Variants in RCAN2 observed in about 807,000 individuals in gnomAD.
RCAN2 encodes regulator of calcineurin 2, also known as calcipressin-2.
Under a neutral mutation model 23.6 loss-of-function variants are expected in RCAN2, and 9 were observed. That is an observed-to-expected ratio of 0.38 (90% CI 0.23 to 0.67). RCAN2 has a LOEUF of 0.67. Among genes scored for constraint, RCAN2 ranks in the 30% least tolerant of loss-of-function variants. RCAN2 has a pLI of 0.51. For missense variants in RCAN2, 273 were observed against 302.3 expected (o/e 0.90, Z 0.72); for synonymous variants, 109 against 115.7 (o/e 0.94, Z 0.37).
intron 2 of RCAN2, among the ~76,000 whole-genome samples, chr6:46,263,164 G>A (rs145672335): frequency 6.6e-6 from 1 of 152,306 alleles, no homozygotes; most frequent in African/African-American, 2.4e-5. Flanking sequence ...ACCAGACAAT[G>A]TTGAGAGAAC....
chr6:46,346,874 T>A (rs1333577027), intron 2 of RCAN2, among the ~76,000 whole-genome samples: 1 of 151,658 alleles, frequency 6.6e-6, no homozygotes, highest in Non-Finnish European at 1.5e-5. Flanking sequence ...TTTATTTTAA[T>A]TAATTTATTT....
chr6:46,438,009 C>T (rs995942475), intron 2 of RCAN2, among the ~76,000 whole-genome samples: 12 of 152,086 alleles, frequency 7.9e-5, no homozygotes, highest in African/African-American at 2.9e-4. Context: ...TGTTTCTTTC[C>T]CACCTCACCT....
At chr6:46,232,129 T>A (rs146397826) in intron 4 of RCAN2, among the ~76,000 whole-genome samples, 8 of 152,226 alleles carry the variant, frequency 5.3e-5, no homozygotes, top group Admixed American at 1.3e-4. Flanking sequence ...AGGAAGGAGA[T>A]GACTGCCTGA....
At chr6:46,429,471 C>G (rs1767125894) in intron 2 of RCAN2, among the ~76,000 whole-genome samples, 1 of 152,178 alleles carries the variant, frequency 6.6e-6, no homozygotes, top group African/African-American at 2.4e-5. Flanking sequence ...CTGCAGAGTA[C>G]TCTTCAGTTT....
At chr6:46,408,767 C>T (rs893403414) in intron 2 of RCAN2, among the ~76,000 whole-genome samples, 1 of 152,054 alleles carries the variant, frequency 6.6e-6, no homozygotes, top group South Asian at 2.1e-4. Context: ...GGCAAGGAAA[C>T]AAAAATTTCT....
At chr6:46,398,208 T>C (rs1766148057) in intron 2 of RCAN2, among the ~76,000 whole-genome samples, 1 of 152,234 alleles carries the variant, frequency 6.6e-6, no homozygotes, top group South Asian at 2.1e-4. Context: ...ATGTTAATGG[T>C]GATTTTTCTC....
chr6:46,311,017 G>C (rs1359844339), intron 2 of RCAN2, among the ~76,000 whole-genome samples: 1 of 152,136 alleles, frequency 6.6e-6, no homozygotes, highest in Non-Finnish European at 1.5e-5. Context: ...ACCATCTATT[G>C]AGTACCTACA....
At chr6:46,371,285 T>A (rs1229977134) in intron 2 of RCAN2, among the ~76,000 whole-genome samples, 1 of 149,124 alleles carries the variant, frequency 6.7e-6, no homozygotes, top group Non-Finnish European at 1.5e-5. Flanking sequence ...AAATGGTATA[T>A]TTTTTTAATC....
chr6:46,371,133 G>T (rs1209258938), intron 2 of RCAN2, among the ~76,000 whole-genome samples: 1 of 152,108 alleles, frequency 6.6e-6, no homozygotes, highest in African/African-American at 2.4e-5. Flanking sequence ...TGACTTAAAG[G>T]CTAGGGATTA....
chr6:46,281,809 C>T (rs1561841263), intron 2 of RCAN2, among the ~76,000 whole-genome samples: 2 of 151,820 alleles, frequency 1.3e-5, no homozygotes, highest in Admixed American at 1.3e-4. Context: ...TATTAACAGA[C>T]CTAAGGAAAT....
chr6:46,332,790 G>A (rs1357422511), intron 2 of RCAN2, among the ~76,000 whole-genome samples: 1 of 152,118 alleles, frequency 6.6e-6, no homozygotes, highest in Non-Finnish European at 1.5e-5. Flanking sequence ...TGTCTTTATA[G>A]CAGCATGATT....
chr6:46,319,914 A>G (rs966479362), intron 2 of RCAN2, among the ~76,000 whole-genome samples: 2 of 152,186 alleles, frequency 1.3e-5, no homozygotes, highest in African/African-American at 4.8e-5. Context: ...TTTGTTCTTC[A>G]TAAACCAAAG....
At chr6:46,253,425 A>G (rs1766799108) in intron 2 of RCAN2, among the ~76,000 whole-genome samples, 1 of 152,208 alleles carries the variant, frequency 6.6e-6, no homozygotes, top group African/African-American at 2.4e-5. Flanking sequence ...TCAAGTAAAA[A>G]TGGTGTTCCA....
At chr6:46,484,928 T>G (rs1406232601) in intron 1 of RCAN2, among the ~76,000 whole-genome samples, 3 of 151,988 alleles carry the variant, frequency 2.0e-5, no homozygotes, top group East Asian at 3.9e-4. Flanking sequence ...CCAAAAAGAG[T>G]GCTTACAAGA....
intron 1 of RCAN2, among the ~76,000 whole-genome samples, chr6:46,470,724 A>T (rs1768534710): frequency 6.6e-6 from 1 of 152,210 alleles, no homozygotes; most frequent in African/African-American, 2.4e-5. Flanking sequence ...TTCACTTACA[A>T]TGTACAATTA....
At chr6:46,479,583 C>CTTTTTTT (rs57590590) in intron 1 of RCAN2, among the ~76,000 whole-genome samples, 1 of 89,246 alleles carries the variant, frequency 1.1e-5, no homozygotes, top group Non-Finnish European at 2.1e-5. Context: ...TCTGTCTCAC[C>CTTTTTTT]TTTTTTTTTT....
chr6:46,300,683 T>A (rs1437458650), intron 2 of RCAN2, among the ~76,000 whole-genome samples: 3 of 152,020 alleles, frequency 2.0e-5, no homozygotes, highest in African/African-American at 7.2e-5. Context: ...GAAAATAGAA[T>A]AATAAGTGAG....
chr6:46,264,786 G>T (rs564914448), intron 2 of RCAN2, among the ~76,000 whole-genome samples: 1 of 152,298 alleles, frequency 6.6e-6, no homozygotes, highest in East Asian at 1.9e-4. Flanking sequence ...TTGCACAGTG[G>T]TTACATTTTC....
chr6:46,337,424 C>T (rs1260938741), intron 2 of RCAN2, among the ~76,000 whole-genome samples: 1 of 152,152 alleles, frequency 6.6e-6, no homozygotes, highest in Non-Finnish European at 1.5e-5. Flanking sequence ...TTCAAAAATG[C>T]CTAGACTTTA....
Sources: gnomAD v4.1 joint callset for allele counts (sites outside exome capture counted in the v4.1 genomes callset) on GRCh38, gnomAD v4.1.1 for gene constraint, MANE v1.5 for transcripts, NCBI Gene and HGNC (gene_info 2026-07-23, HGNC 2026-07-21) for gene names.